The following OR9Q1 variants were observed in gnomAD, a reference collection of about 807,000 sequenced individuals.
OR9Q1 encodes olfactory receptor 9Q1.
For synonymous variants in OR9Q1, 153 were observed against 148.6 expected (o/e 1.03, Z -0.22); for missense variants, 374 against 378.8 (o/e 0.99, Z 0.11).
At chr11:58,131,192 C>T (rs952420193) in intron 2 of OR9Q1, among the ~76,000 whole-genome samples, 4 of 152,070 alleles carry the variant, frequency 2.6e-5, no homozygotes, top group East Asian at 1.9e-4. Flanking sequence ...GATTCAAACT[C>T]AGACCTCCAC....
intron 2 of OR9Q1, among the ~76,000 whole-genome samples, chr11:58,082,766 A>ATAATAG (rs1189516161): frequency 1.5e-5 from 2 of 130,552 alleles, no homozygotes; most frequent in African/African-American, 5.3e-5. Flanking sequence ...AATAATAATA[A>ATAATAG]TAATAAAAAG....
At chr11:58,042,489 C>T (rs4503568) in intron 1 of OR9Q1, among the ~76,000 whole-genome samples, 38,485 of 150,002 alleles carry the variant, frequency 0.26, 5,434 homozygotes, top group East Asian at 0.6. Flanking sequence ...GGCTCTGTTC[C>T]GTTCCATTGA....
rs114282784 is a variant in OR9Q1 at position 58,176,959 on chromosome 11, C to A, written c.-14-2472C>A. 2.5e-3 allele frequency among the ~76,000 whole-genome samples: 387 copies of A among 152,224 alleles called. 2 individuals are homozygous for A. Among genetic ancestry groups the A allele is most frequent in the African/African-American group, 9.0e-3 (375 of 41,528 alleles). On this transcript the variant is annotated intron_variant, in intron 2 of 2. Coordinates refer to ENST00000335397, the MANE Select transcript of OR9Q1 (RefSeq NM_001005212.4). ...GTGGACAAAGAGAGAAGAGGACCTG[C>A]CAGGTAAAGATGTGGAATTCAGGTG...
chr11:58,038,967 T>A (rs1438378347), intron 1 of OR9Q1, among the ~76,000 whole-genome samples: 2 of 152,226 alleles, frequency 1.3e-5, no homozygotes, highest in East Asian at 3.9e-4. Flanking sequence ...AAATTGAATC[T>A]TCTTCTTTAT....
chr11:58,089,439 C>T (rs976175892), intron 2 of OR9Q1, among the ~76,000 whole-genome samples: 6 of 151,714 alleles, frequency 4.0e-5, no homozygotes, highest in South Asian at 2.1e-4. Flanking sequence ...TCGGGTTTGT[C>T]GAAGGTCAGA....
chr11:58,121,791 C>A (rs2120140788), intron 2 of OR9Q1, among the ~76,000 whole-genome samples: 1 of 152,206 alleles, frequency 6.6e-6, no homozygotes, highest in African/African-American at 2.4e-5. Context: ...TGATAAAATC[C>A]ATAGTAGTAA....
chr11:58,086,816 G>C (rs1352223549), intron 2 of OR9Q1, among the ~76,000 whole-genome samples: 1 of 151,836 alleles, frequency 6.6e-6, no homozygotes, highest in Non-Finnish European at 1.5e-5. Flanking sequence ...CATAGAAATA[G>C]AGAGTAGAAT....
At chr11:58,027,864 G>A (rs1254610336) in intron 1 of OR9Q1, among the ~76,000 whole-genome samples, 1 of 152,170 alleles carries the variant, frequency 6.6e-6, no homozygotes, top group Non-Finnish European at 1.5e-5. Context: ...TGATACAAAG[G>A]CCACAGGTTC....
chr11:58,154,133 A>T (rs1402948555), intron 2 of OR9Q1, among the ~76,000 whole-genome samples: 1 of 148,502 alleles, frequency 6.7e-6, no homozygotes, highest in East Asian at 2.0e-4. Flanking sequence ...GAGGAGGAGG[A>T]GGAAGTTGAG....
Position 58,180,111 on chromosome 11 carries a change from G to T in OR9Q1, c.667G>T (p.Val223Leu). 6.2e-7 allele frequency: 1 copy of T among 1,613,824 alleles called. No individual in the cohort carries two copies. Residue 223 changes from valine (V) to leucine (L), a missense_variant, in exon 3 of 3, where the codon GTG (valine) becomes TTG (leucine). By Grantham distance (32) the Val-to-Leu change is conservative. Transcript: ENST00000335397. ...CTTGGTGTCCTACCTGTTTATCATCGTGGCCATCATGGGGATCCCTGCTGG... is the reference window on the plus strand; with the variant it reads ...CTTGGTGTCCTACCTGTTTATCATCTTGGCCATCATGGGGATCCCTGCTGG... ...VILVSYLFII[V>L]AIMGIPAGSQ...
chr11:58,161,174 A>G (rs1336430572), intron 2 of OR9Q1, among the ~76,000 whole-genome samples: 1 of 151,828 alleles, frequency 6.6e-6, no homozygotes. Context: ...GCAAACCAAC[A>G]TGGCACATGT....
chr11:58,059,185 G>T (rs1853354996), intron 2 of OR9Q1, among the ~76,000 whole-genome samples: 1 of 152,178 alleles, frequency 6.6e-6, no homozygotes, highest in Admixed American at 6.5e-5. Context: ...GCGGACTAAA[G>T]AATGCCAACA....
chr11:58,045,576 A>G (rs4939175), intron 1 of OR9Q1, among the ~76,000 whole-genome samples: 39,854 of 152,150 alleles, frequency 0.26, 5,761 homozygotes, highest in East Asian at 0.6. Context: ...ATTAAATAAG[A>G]CAATGTAAGT....
intron 2 of OR9Q1, among the ~76,000 whole-genome samples, chr11:58,150,498 A>C (rs992774733): frequency 1.5e-4 from 23 of 152,212 alleles, no homozygotes; most frequent in Admixed American, 6.5e-4. Flanking sequence ...GTATGTAGTC[A>C]TGCACCACAT....
Position 58,048,696 on chromosome 11 carries a change from T to TATATATATATATATA in OR9Q1, c.-92-7174_-92-7173insATATATATATATATA, listed in dbSNP as rs35079058. Among the ~76,000 whole-genome samples, 195 of 127,564 alleles carry TATATATATATATATA rather than the reference T, an allele frequency of 1.5e-3. 1 individual carries two copies. The highest frequency in any genetic ancestry group is 5.1e-3 in the African/African-American group (182 of 35,834). The allele number at this position is 127,564 out of a possible 152,430, so 83.7% of individuals were successfully genotyped here. Reference sequence around the variant, plus strand: ...AAAAAAAAAATATATATATATATATTTTTTAGCAAGACTAATAAAAAAAGA... The same window carrying TATATATATATATATA: ...AAAAAAAAAATATATATATATATATTATATATATATATATATTTTAGCAAGACTAATAAAAAAAGA... On this transcript the variant is annotated intron_variant, in intron 1 of 2. Transcript: ENST00000335397.
At chr11:58,120,397 T>C (rs1854016965) in intron 2 of OR9Q1, among the ~76,000 whole-genome samples, 1 of 152,098 alleles carries the variant, frequency 6.6e-6, no homozygotes, top group Non-Finnish European at 1.5e-5. Context: ...GTCATAGGGG[T>C]CTTTTAATTT....
rs144969404 is a variant in OR9Q1, at chr11:58,034,569, G to A, written c.-93+10465G>A. Among the ~76,000 whole-genome samples, 134 of 152,100 alleles carry A rather than the reference G, an allele frequency of 8.8e-4. No individual in the cohort carries two copies. In the East Asian group the frequency reaches 0.024, roughly 27 times the overall value. On this transcript the variant is annotated intron_variant, in intron 1 of 2. Coordinates refer to ENST00000335397, the MANE Select transcript of OR9Q1 (RefSeq NM_001005212.4). ...CATAGTCACACCTATATGTATCATC[G>A]GTGGTTGCTTTTGTGCTACAATGGC... is the stretch of plus-strand genomic sequence containing the variant.
At chr11:58,109,133 A>G in intron 2 of OR9Q1, 1 of 505,318 alleles carries the variant, frequency 2.0e-6, no homozygotes, top group Non-Finnish European at 4.0e-6. Context: ...TCACAGAAGA[A>G]GAAGTTGATC....
intron 2 of OR9Q1, among the ~76,000 whole-genome samples, chr11:58,178,887 A>ATATATATTTATATATTATATATAT (rs1303808325): frequency 2.8e-5 from 4 of 141,264 alleles, no homozygotes; most frequent in African/African-American, 1.0e-4. Flanking sequence ...TATATATTAT[A>ATATATATTTATATATTATATATAT]TATATATTTA....
Sources: gnomAD v4.1 joint callset for allele counts (sites outside exome capture counted in the v4.1 genomes callset) on GRCh38, gnomAD v4.1.1 for gene constraint, MANE v1.5 for transcripts, NCBI Gene and HGNC (gene_info 2026-07-23, HGNC 2026-07-21) for gene names.